The following NXN variants were observed in gnomAD, a reference collection of about 807,000 sequenced individuals.
NXN encodes nucleoredoxin 1.
NXN carries 16 observed loss-of-function variants against 48.6 expected under a neutral mutation model. That is an observed-to-expected ratio of 0.33 (90% CI 0.22 to 0.50). The LOEUF is 0.50. Among genes scored for constraint, NXN ranks in the 20% least tolerant of loss-of-function variants. The pLI, the probability that NXN is intolerant of heterozygous loss-of-function variation, is 0.98. For synonymous variants in NXN, 281 were observed against 269.6 expected (o/e 1.04, Z -0.41); for missense variants, 492 against 605.5 (o/e 0.81, Z 1.97).
At position 978,189 on chromosome 17, in the gene NXN, C is replaced by T. The variant is rs1342720696; in HGVS notation, c.360+1130G>A. ...ACTAAACGCCCCCAGAATAGCCCTT[C>T]TGTCCACTCCAGAAACAGGCTTTCC... On this transcript the variant is annotated intron_variant, in intron 1 of 7. Transcript: ENST00000336868. The surrounding 1 kb of genome is among the most constrained non-coding windows in gnomAD (Gnocchi z 4.1). 6.6e-6 allele frequency: 1 copy of T among 152,270 alleles called. No homozygotes were observed. Among genetic ancestry groups the T allele is most frequent in the East Asian group, 1.9e-4 (1 of 5,196 alleles). The allele number at this position is 152,270 out of a possible 1,614,324, so 9.4% of individuals were successfully genotyped here.
At chr17:957,631 CAAA>C (rs34940337) in intron 1 of NXN, among the ~76,000 whole-genome samples, 1 of 131,926 alleles carries the variant, frequency 7.6e-6, no homozygotes. Flanking sequence ...GACTCCATCT[CAAA>C]AAAAAAAAAA....
chr17:812,862 G>T (rs1291005949), intron 5 of NXN, among the ~76,000 whole-genome samples: 1 of 77,206 alleles, frequency 1.3e-5, no homozygotes, highest in Non-Finnish European at 2.8e-5. Flanking sequence ...ATGTGTGTAG[G>T]TGTGTGTGGG....
intron 1 of NXN, among the ~76,000 whole-genome samples, chr17:847,872 T>C (rs1056987670): frequency 2.0e-4 from 30 of 152,110 alleles, no homozygotes; most frequent in Non-Finnish European, 3.8e-4. Flanking sequence ...AAGTGATTGA[T>C]GTAGAATAAG....
chr17:894,748 G>T (rs533847165), intron 1 of NXN, among the ~76,000 whole-genome samples: 1 of 152,230 alleles, frequency 6.6e-6, no homozygotes, highest in African/African-American at 2.4e-5. Context: ...GGGACGGGCG[G>T]AGACATGACG....
chr17:835,085 G>C lies in NXN; in HGVS notation c.361-9007C>G, dbSNP rs192371391. ...GCACTTTGGGAGGCCGAGGCGGGCG[G>C]ATCACAAGGTCAGGAGATCGAGACC... On this transcript the variant is annotated intron_variant, in intron 1 of 7. Transcript: ENST00000336868. 7.3e-5 allele frequency among the ~76,000 whole-genome samples: 11 copies of C among 151,284 alleles called. No individual in the cohort carries two copies. The East Asian group carries it at 2.2e-3, about 31-fold the overall frequency.
intron 1 of NXN, among the ~76,000 whole-genome samples, chr17:876,772 G>C (rs552741754): frequency 6.6e-6 from 1 of 152,130 alleles, no homozygotes; most frequent in Non-Finnish European, 1.5e-5. Context: ...GGCCGGGCGC[G>C]GGGGCTCACG....
rs79142267 is a variant in NXN at position 848,206 on chromosome 17, C to T, written c.361-22128G>A. ...ACGCTGGAGTGCAATGGCACGATCT[C>T]GGCTCACTGCAACTTCTGCCTCCTG... On this transcript the variant is annotated intron_variant, in intron 1 of 7. Transcript: ENST00000336868. Among the ~76,000 whole-genome samples, 733 of 152,084 alleles carry T rather than the reference C, an allele frequency of 4.8e-3. 27 individuals carry two copies. The East Asian group carries it at 0.085, about 18-fold the overall frequency.
chr17:905,629 T>C (rs551382455), intron 1 of NXN, among the ~76,000 whole-genome samples: 12 of 152,292 alleles, frequency 7.9e-5, no homozygotes, highest in South Asian at 6.2e-4. Context: ...TGCCGTTCAA[T>C]AGAAATATAA....
At chr17:923,367 T>A (rs9890967) in intron 1 of NXN, among the ~76,000 whole-genome samples, 131,068 of 151,610 alleles carry the variant, frequency 0.86, 57,232 homozygotes, top group Non-Finnish European at 0.93. Flanking sequence ...ACCAAAAAAA[T>A]TTTATATTAG....
At position 958,614 on chromosome 17, in the gene NXN, T is replaced by C. The variant is rs1451737714; in HGVS notation, c.360+20705A>G. Among the ~76,000 whole-genome samples, 1 of 151,868 alleles carries C rather than the reference T, an allele frequency of 6.6e-6. No homozygotes were observed. Among genetic ancestry groups the C allele is most frequent in the African/African-American group, 2.4e-5 (1 of 41,318 alleles). On this transcript the variant is annotated intron_variant, in intron 1 of 7. Coordinates refer to ENST00000336868, the MANE Select transcript of NXN (RefSeq NM_022463.5). The surrounding 1 kb of genome is among the most constrained non-coding windows in gnomAD (Gnocchi z 6.9). ...GGTGAAACCCCATCTGTACTAAAAA[T>C]ACAAAAATTAGCCAGGCGTGGTGGC...
chr17:940,072 C>T (rs1217071878), intron 1 of NXN, among the ~76,000 whole-genome samples: 1 of 151,846 alleles, frequency 6.6e-6, no homozygotes, highest in Non-Finnish European at 1.5e-5. Flanking sequence ...TAGCCGGGAC[C>T]ACAGGCACAG....
In NXN at chr17:841,469, CGGG is replaced by C. The variant is rs1567827589; in HGVS notation, c.361-15394_361-15392del. On this transcript the variant is annotated intron_variant, in intron 1 of 7. Transcript: ENST00000336868. ...CCCCCTGACCACGGCGCATCTCACA[CGGG>C]CGAGCAGGTCCCCCCTGACCACGGC... Among the ~76,000 whole-genome samples, 173 of 129,854 alleles carry C rather than the reference CGGG, an allele frequency of 1.3e-3. 2 individuals carry two copies. The highest frequency in any genetic ancestry group is 2.7e-3 in the African/African-American group (100 of 36,458). 85.2% of individuals were successfully genotyped at this position (129,854 alleles called of 152,430 possible).
At chr17:897,364 C>T (rs1223268011) in intron 1 of NXN, among the ~76,000 whole-genome samples, 1 of 152,178 alleles carries the variant, frequency 6.6e-6, no homozygotes, top group African/African-American at 2.4e-5. Context: ...GTTTACAGGA[C>T]AATCAATTAG....
At chr17:970,812 G>C (rs963111103) in intron 1 of NXN, among the ~76,000 whole-genome samples, 5 of 152,132 alleles carry the variant, frequency 3.3e-5, no homozygotes, top group Non-Finnish European at 7.3e-5. Flanking sequence ...TTAAAACGGT[G>C]AATATCTACT....
At chr17:881,805 A>G (rs920386377) in intron 1 of NXN, among the ~76,000 whole-genome samples, 1 of 152,258 alleles carries the variant, frequency 6.6e-6, no homozygotes, top group East Asian at 1.9e-4. Context: ...TGATGTATAC[A>G]AAAACAAGGA....
At chr17:810,814 G>A (rs751743171) in intron 5 of NXN, among the ~76,000 whole-genome samples, 4 of 152,128 alleles carry the variant, frequency 2.6e-5, no homozygotes, top group Non-Finnish European at 2.9e-5. Flanking sequence ...GCTTGAACGC[G>A]GGAGGCAGAG....
intron 1 of NXN, among the ~76,000 whole-genome samples, chr17:869,652 C>T (rs897873879): frequency 3.3e-5 from 5 of 152,234 alleles, no homozygotes; most frequent in African/African-American, 1.2e-4. Flanking sequence ...CCTCCCCACT[C>T]GGGAAAGACT....
chr17:908,503 T>G (rs2068602066), intron 1 of NXN, among the ~76,000 whole-genome samples: 1 of 152,060 alleles, frequency 6.6e-6, no homozygotes, highest in Non-Finnish European at 1.5e-5. Context: ...GCCGTTGCAC[T>G]CCAGCCTGGG....
At chr17:824,283 G>A (rs1222901823) in intron 2 of NXN, among the ~76,000 whole-genome samples, 5 of 151,932 alleles carry the variant, frequency 3.3e-5, no homozygotes, top group African/African-American at 4.8e-5. Context: ...TCCTGACCTC[G>A]TGATCCACCC....
Sources: allele counts gnomAD v4.1 joint callset (sites outside exome capture counted in the v4.1 genomes callset), GRCh38; gene constraint gnomAD v4.1.1; non-coding constraint Gnocchi (gnomAD v3.1); transcripts MANE v1.5; gene names NCBI Gene and HGNC (gene_info 2026-07-23, HGNC 2026-07-21).